The following BAZ1A variants were observed in gnomAD, a reference collection of about 807,000 sequenced individuals.
BAZ1A encodes bromodomain adjacent to zinc finger domain protein 1A.
In BAZ1A, 50 loss-of-function variants were observed where a neutral mutation model predicts 185.2. That is an observed-to-expected ratio of 0.27 (90% CI 0.22 to 0.34). The LOEUF is 0.34. BAZ1A is among the 10% of genes least tolerant of loss of function. BAZ1A has a pLI of 1.00. For missense variants in BAZ1A, 1,356 were observed against 1,839.9 expected, an observed-to-expected ratio of 0.74 and a Z score of 4.81; for synonymous variants, 571 against 615.6, an observed-to-expected ratio of 0.93 and a Z score of 1.07.
chr14:34,851,943 T>C (rs1301886833), intron 3 of BAZ1A, among the ~76,000 whole-genome samples: 2 of 150,314 alleles, frequency 1.3e-5, no homozygotes, highest in East Asian at 4.0e-4. Context: ...CTGGCTAACA[T>C]GGTGAAACCC....
chr14:34,845,859 CAAAAAAA>C (rs3062591), intron 3 of BAZ1A, among the ~76,000 whole-genome samples: 14 of 115,208 alleles, frequency 1.2e-4, no homozygotes, highest in Non-Finnish European at 1.4e-4. Context: ...GACTCTGTCT[CAAAAAAA>C]AAAAAAAAAA....
Position 34,839,904 on chromosome 14 carries a change from A to G in BAZ1A, c.393-13748T>C, listed in dbSNP as rs2042388619. On this transcript the variant is annotated intron_variant, in intron 3 of 26. Coordinates refer to ENST00000360310, the MANE Select transcript of BAZ1A (RefSeq NM_013448.3). ...TTTTAAAATTAATTTTTTAAAAAAG[A>G]AAAGAACAATTAAAAATTTTTTTAA... Among the ~76,000 whole-genome samples, 4 of 110,816 alleles carry G rather than the reference A, an allele frequency of 3.6e-5. No homozygotes were observed. In the South Asian group the frequency reaches 1.4e-3, roughly 39 times the overall value. The allele number at this position is 110,816 out of a possible 152,430, so 72.7% of individuals were successfully genotyped here.
chr14:34,872,981 C>G (rs1008571452), intron 2 of BAZ1A, among the ~76,000 whole-genome samples: 9 of 134,150 alleles, frequency 6.7e-5, no homozygotes, highest in Admixed American at 1.5e-4. Flanking sequence ...TAACTAGTTA[C>G]GAGAACTCTA....
At chr14:34,862,988 CTT>C (rs372555589) in intron 2 of BAZ1A, among the ~76,000 whole-genome samples, 23,290 of 119,256 alleles carry the variant, frequency 0.2, 1,711 homozygotes, top group Non-Finnish European at 0.24. Flanking sequence ...TCCACTCTCT[CTT>C]TTTTTTTTTT....
chr14:34,753,332 A>T lies in BAZ1A; in HGVS notation c.*176T>A. The T allele has an allele frequency of 1.6e-6, 1 of 631,836 alleles. No individual in the cohort carries two copies. The highest frequency in any genetic ancestry group is 2.8e-5 in the East Asian group (1 of 35,936). 39.1% of individuals were successfully genotyped at this position (631,836 alleles called of 1,614,324 possible). On this transcript the variant is annotated 3_prime_UTR_variant, in exon 27 of 27. Coordinates refer to ENST00000360310, the MANE Select transcript of BAZ1A (RefSeq NM_013448.3). ...CTTATTAGATACTGAACAAAACTGTAGCAAAGGATATCTTTCCTACATTCT... is the reference window on the plus strand; with the variant it reads ...CTTATTAGATACTGAACAAAACTGTTGCAAAGGATATCTTTCCTACATTCT...
At chr14:34,780,360 T>G in intron 16 of BAZ1A, 50 bp from the exon 17 acceptor site, 1 of 1,539,862 alleles carries the variant, frequency 6.5e-7, no homozygotes, top group Admixed American at 2.0e-5. Context: ...TATAATTCCA[T>G]TTATGAAATA....
At position 34,787,902 on chromosome 14, in the gene BAZ1A, A is replaced by T. The variant is rs575415592; in HGVS notation, c.1511-1681T>A. ...AAGCTATGAAAAACCCTTCTGTTAT[A>T]TCATAGTACAGTGTACACAGATTCA... On this transcript the variant is annotated intron_variant, in intron 12 of 26. Transcript: ENST00000360310. Among the ~76,000 whole-genome samples the T allele has an allele frequency of 2.0e-5, 3 of 152,218 alleles. No homozygotes were observed. In the South Asian group the frequency reaches 6.2e-4, roughly 31 times the overall value.
chr14:34,810,038 A>G (rs562008043), intron 5 of BAZ1A, among the ~76,000 whole-genome samples: 1 of 152,212 alleles, frequency 6.6e-6, no homozygotes, highest in East Asian at 1.9e-4. Flanking sequence ...AACCACACAC[A>G]CCTCAATACA....
At chr14:34,826,262 G>T in intron 3 of BAZ1A, 106 bp from the exon 4 acceptor site, 1 of 1,093,714 alleles carries the variant, frequency 9.1e-7, no homozygotes, top group South Asian at 1.6e-5. Context: ...TTTTGCAGAG[G>T]CTATAGCTGA....
At chr14:34,875,018 G>T in intron 1 of BAZ1A, 120 bp downstream of exon 1, 1 of 163,556 alleles carries the variant, frequency 6.1e-6, no homozygotes, top group Non-Finnish European at 1.3e-5. Context: ...CAGCTGGCCG[G>T]CCGGCCAGCC....
chr14:34,819,178 C>T (rs1239803639), intron 4 of BAZ1A, among the ~76,000 whole-genome samples: 2 of 144,552 alleles, frequency 1.4e-5, no homozygotes, highest in African/African-American at 5.1e-5. Context: ...AATGAATCTT[C>T]TATTCATGAA....
At chr14:34,807,843 C>A (rs901069412) in intron 5 of BAZ1A, among the ~76,000 whole-genome samples, 1 of 152,108 alleles carries the variant, frequency 6.6e-6, no homozygotes, top group Non-Finnish European at 1.5e-5. Context: ...CAGTGGCTCA[C>A]GCCTGTAATC....
At chr14:34,860,519 A>AT (rs2042751439) in intron 3 of BAZ1A, among the ~76,000 whole-genome samples, 1 of 59,414 alleles carries the variant, frequency 1.7e-5, no homozygotes, top group South Asian at 8.0e-4. Flanking sequence ...ACCAAAAGTT[A>AT]AAAAAAAAAA....
intron 5 of BAZ1A, among the ~76,000 whole-genome samples, chr14:34,809,891 ATAAAC>A (rs2041905884): frequency 6.6e-6 from 1 of 152,204 alleles, no homozygotes; most frequent in South Asian, 2.1e-4. Context: ...TCATTAGCCC[ATAAAC>A]TAAACAAATT....
At position 34,793,920 on chromosome 14, in the gene BAZ1A, C is replaced by T. The variant is rs539484496; in HGVS notation, c.1363+829G>A. On this transcript the variant is annotated intron_variant, in intron 11 of 26. Transcript: ENST00000360310. Reference sequence around the variant, plus strand: ...TCACGCCACTGCACTCCAGCCTGGGCGACAGAGCGAGACTCCGTCTCAAAA... The same window carrying T: ...TCACGCCACTGCACTCCAGCCTGGGTGACAGAGCGAGACTCCGTCTCAAAA... Among the ~76,000 whole-genome samples, 9 of 147,310 alleles carry T rather than the reference C, an allele frequency of 6.1e-5. No individual in the cohort carries two copies. The South Asian group carries it at 8.6e-4, about 14-fold the overall frequency.
At chr14:34,796,165 TAC>T (rs61285890) in intron 9 of BAZ1A, among the ~76,000 whole-genome samples, 228 of 146,502 alleles carry the variant, frequency 1.6e-3, no homozygotes, top group Middle Eastern at 3.5e-3. Flanking sequence ...TACATATACA[TAC>T]ACACACACAC....
intron 3 of BAZ1A, among the ~76,000 whole-genome samples, chr14:34,854,712 C>T (rs1212200742): frequency 2.0e-5 from 3 of 152,310 alleles, no homozygotes; most frequent in African/African-American, 4.8e-5. Context: ...TCCTGCCCTT[C>T]GCTATCACTA....
Position 34,776,443 on chromosome 14 carries a change from A to C in BAZ1A, c.2309T>G (p.Leu770Arg). ...EQINCVTREPLTADEEEALKQ... is the reference protein window; with the variant it reads ...EQINCVTREPRTADEEEALKQ... ...TAATGCTTCTTCCTCATCAGCAGTA[A>C]GAGGCTCTCTTGTTACACAGTTGAT... Residue 770 changes from leucine to arginine, a missense_variant, in exon 18 of 27, where the codon CTT becomes CGT. Transcript: ENST00000360310. 1 of 1,613,984 alleles carries C rather than the reference A, an allele frequency of 6.2e-7. No homozygotes were observed. Among genetic ancestry groups the C allele is most frequent in the Non-Finnish European group, 8.5e-7 (1 of 1,180,026 alleles).
At chr14:34,762,712 T>A (rs1010461839) in intron 23 of BAZ1A, among the ~76,000 whole-genome samples, 9 of 152,160 alleles carry the variant, frequency 5.9e-5, no homozygotes, top group Non-Finnish European at 1.2e-4. Flanking sequence ...TCAGGCGATC[T>A]GCATGCCTCG....
Sources: allele counts gnomAD v4.1 joint callset (sites outside exome capture counted in the v4.1 genomes callset), GRCh38; gene constraint gnomAD v4.1.1; transcripts MANE v1.5; gene names NCBI Gene and HGNC (gene_info 2026-07-23, HGNC 2026-07-21).